Variants in RC3H1 observed in about 807,000 individuals in gnomAD.
The protein encoded by RC3H1 is ring finger and CCCH-type domains 1, also known as roquin-1.
A neutral mutation model predicts 138.2 loss-of-function variants in RC3H1; 50 were observed. The ratio of observed to expected loss-of-function variants is 0.36; its 90% CI spans 0.29 to 0.46. The LOEUF (loss-of-function observed/expected upper bound fraction) is 0.46, where lower values mean the gene tolerates loss of function less well. Ranked by LOEUF, RC3H1 falls within the 20% of genes least tolerant of loss-of-function variation. The pLI, the probability that RC3H1 is intolerant of heterozygous loss-of-function variation, is 1.00. For missense variants in RC3H1, 1,031 were observed against 1,388.1 expected (o/e 0.74, Z 4.09); for synonymous variants, 462 against 489.1 (o/e 0.94, Z 0.73).
At chr1:173,956,204 C>T (rs1249845199) in intron 13 of RC3H1, among the ~76,000 whole-genome samples, 1 of 151,582 alleles carries the variant, frequency 6.6e-6, no homozygotes, top group Non-Finnish European at 1.5e-5. Flanking sequence ...ATGCTACCTA[C>T]CTACCAGTCA....
At chr1:173,960,865 C>G (rs192459503) in intron 13 of RC3H1, among the ~76,000 whole-genome samples, 1 of 151,196 alleles carries the variant, frequency 6.6e-6, no homozygotes, top group Non-Finnish European at 1.5e-5. Flanking sequence ...CAGTGCCTTA[C>G]AGGAACAAAA....
chr1:174,016,735 A>G (rs1358835901), intron 1 of RC3H1, among the ~76,000 whole-genome samples: 1 of 152,072 alleles, frequency 6.6e-6, no homozygotes, highest in Non-Finnish European at 1.5e-5. Flanking sequence ...TAAGATTTCA[A>G]TTCAATTAGA....
chr1:173,949,384 T>G (rs929390867), intron 14 of RC3H1, among the ~76,000 whole-genome samples: 1 of 151,958 alleles, frequency 6.6e-6, no homozygotes, highest in African/African-American at 2.4e-5. Context: ...TTTTTTTTTT[T>G]CTGAGATGGA....
chr1:173,964,048 CTGGA>C lies in RC3H1; in HGVS notation c.1752_1755del (p.Tyr584Ter). 6.2e-7 allele frequency: 1 copy of C among 1,614,120 alleles called. No individual in the cohort carries two copies. The highest frequency in any genetic ancestry group is 8.5e-7 in the Non-Finnish European group (1 of 1,180,020). ...TGATAATAAACATCCGTCTGTTGTG[CTGGA>C]TATAACTGAGAACCTCGAGGTACCA... On this transcript the variant is annotated frameshift_variant, in exon 11 of 20. Transcript: ENST00000367696. LOFTEE classifies it high-confidence loss of function.
At chr1:173,984,687 T>G (rs978353275) in intron 2 of RC3H1, 68 bp from the exon 3 acceptor site, 8 of 1,504,850 alleles carry the variant, frequency 5.3e-6, no homozygotes, top group Non-Finnish European at 7.2e-6. Flanking sequence ...GTATAGTTTA[T>G]GCACTCATAA....
chr1:173,961,055 A>C (rs769457833), intron 13 of RC3H1, 22 bp downstream of exon 13: 3 of 1,608,236 alleles, frequency 1.9e-6, no homozygotes, highest in Non-Finnish European at 2.5e-6. Context: ...CGGATAAATG[A>C]GACTAAAAAT....
intron 13 of RC3H1, among the ~76,000 whole-genome samples, chr1:173,952,402 TAAAAA>T (rs35197109): frequency 2.1e-5 from 1 of 47,206 alleles, no homozygotes; most frequent in Non-Finnish European, 4.2e-5. Flanking sequence ...TAGCAGAAGG[TAAAAA>T]AAAAAAAAAA....
intron 6 of RC3H1, among the ~76,000 whole-genome samples, chr1:173,980,145 T>C (rs1328002171): frequency 6.6e-6 from 1 of 150,592 alleles, no homozygotes; most frequent in African/African-American, 2.4e-5. Flanking sequence ...CTCAAAGTGC[T>C]GAGATTACAG....
In RC3H1 at chr1:173,936,755, ATATATATTTTTTTT is replaced by A. The variant is rs1354936317; in HGVS notation, c.*1952_*1965del. 37 of 40,706 alleles carry A rather than the reference ATATATATTTTTTTT, an allele frequency of 9.1e-4. No homozygotes were observed. The South Asian group carries it at 0.029, about 31-fold the overall frequency. The allele number at this position is 40,706 out of a possible 1,614,324, so 2.5% of individuals were successfully genotyped here. A position where few individuals can be genotyped will look rare whatever the true frequency, so the allele number is the denominator to read the frequency against. ...CATATATATATATATATATATATAT[ATATATATTTTTTTT>A]TTTTTTTTTAAAAAAAGAAGACAAA... On this transcript the variant is annotated 3_prime_UTR_variant, in exon 20 of 20. Coordinates refer to ENST00000367696, the MANE Select transcript of RC3H1 (RefSeq NM_172071.4).
chr1:173,946,703 A>T, intron 16 of RC3H1, 43 bp downstream of exon 16: 1 of 1,597,226 alleles, frequency 6.3e-7, no homozygotes, highest in Non-Finnish European at 8.6e-7. Flanking sequence ...CCTAATTTTA[A>T]AGGTTTCTAC....
chr1:173,947,730 A>AAC, intron 14 of RC3H1, 148 bp from the exon 15 acceptor site: 1 of 658,220 alleles, frequency 1.5e-6, no homozygotes, highest in Non-Finnish European at 2.6e-6. Flanking sequence ...GTTTTTATGT[A>AAC]ACACTGGTTT....
At chr1:173,972,914 GACA>G (rs1228311164) in intron 7 of RC3H1, among the ~76,000 whole-genome samples, 4 of 152,204 alleles carry the variant, frequency 2.6e-5, no homozygotes, top group African/African-American at 9.7e-5. Context: ...GTGTTGAGGA[GACA>G]ACAACGAGTG....
At position 173,965,100 on chromosome 1, in the gene RC3H1, C is replaced by G; in HGVS notation, c.1355G>C (p.Arg452Pro). The G allele has an allele frequency of 6.2e-7, 1 of 1,609,512 alleles. No homozygotes were observed. Among genetic ancestry groups the G allele is most frequent in the Non-Finnish European group, 8.5e-7 (1 of 1,178,398 alleles). The change falls in exon 10 of 20, where the codon CGC becomes CCC. Residue 452 changes from arginine to proline, a missense_variant. By Grantham distance (103) the Arg-to-Pro change is moderately radical. This residue lies in a region of RC3H1 where 142 missense variants were observed against 224.6 expected (regional missense o/e 0.63). Transcript: ENST00000367696. ...ACTCAAGGGTCTTCTCGGAACCAGGCGCTTATTCATTTTACGAAATCTATA... is the reference window on the plus strand; with the variant it reads ...ACTCAAGGGTCTTCTCGGAACCAGGGGCTTATTCATTTTACGAAATCTATA... Reference protein sequence around the residue: ...ELEKFRKMNKRLVPRRPLSAS... With the variant: ...ELEKFRKMNKPLVPRRPLSAS...
intron 1 of RC3H1, among the ~76,000 whole-genome samples, chr1:174,001,852 T>C (rs373624788): frequency 1.3e-5 from 2 of 152,322 alleles, no homozygotes; most frequent in African/African-American, 4.8e-5. Flanking sequence ...TACTATACTA[T>C]CAAGTAAATA....
In RC3H1 at chr1:174,022,318, T is replaced by G; in HGVS notation, c.-373A>C. ...GGCCATCTTGTTGCTCGGCCTCCTC[T>G]TCCTCCTCCTCGTCCTCCGCCGCCC... On this transcript the variant is annotated 5_prime_UTR_variant, in exon 1 of 20. Coordinates refer to ENST00000367696, the MANE Select transcript of RC3H1 (RefSeq NM_172071.4). This position sits in a 1 kb window ranked among gnomAD's most constrained non-coding sequence, Gnocchi z 4.2. 2 of 375,640 alleles carry G rather than the reference T, an allele frequency of 5.3e-6. No homozygotes were observed. Among genetic ancestry groups the G allele is most frequent in the Non-Finnish European group, 4.7e-6 (1 of 211,630 alleles). 23.3% of individuals were successfully genotyped at this position (375,640 alleles called of 1,614,324 possible).
intron 14 of RC3H1, among the ~76,000 whole-genome samples, chr1:173,951,048 G>A (rs976631972): frequency 3.3e-5 from 5 of 152,100 alleles, no homozygotes; most frequent in Non-Finnish European, 5.9e-5. Context: ...GATGAAGCCA[G>A]GCACGGTGGC....
chr1:173,957,298 T>A (rs1017556557), intron 13 of RC3H1, among the ~76,000 whole-genome samples: 1 of 152,086 alleles, frequency 6.6e-6, no homozygotes, highest in Non-Finnish European at 1.5e-5. Context: ...CACTATGAGG[T>A]AGGCTTTATT....
At chr1:173,951,328 C>CT (rs921609260) in intron 14 of RC3H1, among the ~76,000 whole-genome samples, 1 of 151,556 alleles carries the variant, frequency 6.6e-6, no homozygotes, top group Non-Finnish European at 1.5e-5. Flanking sequence ...TCCATCCCCC[C>CT]CCCAAAAAAA....
chr1:174,004,774 CAAAAGAGAG>C (rs1661624216), intron 1 of RC3H1, among the ~76,000 whole-genome samples: 1 of 151,852 alleles, frequency 6.6e-6, no homozygotes, highest in African/African-American at 2.4e-5. Flanking sequence ...GCCAAGATCA[CAAAAGAGAG>C]AAAAGAAAAA....
Sources: gnomAD v4.1 joint callset for allele counts (sites outside exome capture counted in the v4.1 genomes callset) on GRCh38, gnomAD v4.1.1 for gene constraint, gnomAD v4.1.1 regional missense constraint, Gnocchi (gnomAD v3.1) non-coding constraint, MANE v1.5 for transcripts, NCBI Gene and HGNC (gene_info 2026-07-23, HGNC 2026-07-21) for gene names.